The following PPP2R5C variants were observed in gnomAD, a reference collection of about 807,000 sequenced individuals.
PPP2R5C encodes the protein serine/threonine-protein phosphatase 2A 56 kDa regulatory subunit gamma isoform.
PPP2R5C carries 7 observed loss-of-function variants against 68.9 expected under a neutral mutation model. The observed-to-expected ratio is 0.10, with a 90% confidence interval of 0.06 to 0.19. The LOEUF is 0.19. PPP2R5C is among the 10% of genes least tolerant of loss of function. PPP2R5C has a pLI of 1.00. For missense variants in PPP2R5C, 348 were observed against 641.3 expected (o/e 0.54, Z 4.94); for synonymous variants, 210 against 222.2 (o/e 0.95, Z 0.49).
In PPP2R5C at chr14:101,868,837, G is replaced by A. The variant is rs529317134; in HGVS notation, c.294+11952G>A. On this transcript the variant is annotated intron_variant, in intron 2 of 13. Coordinates refer to ENST00000334743, the Ensembl canonical transcript of PPP2R5C. ...TCACTCTTTCTTGTGGCCAGTTCTC[G>A]GAACTTTGATAAATGTGTATAGTCA... is the stretch of plus-strand genomic sequence containing the variant. Among the ~76,000 whole-genome samples, 6 of 152,104 alleles carry A rather than the reference G, an allele frequency of 3.9e-5. No individual in the cohort carries two copies. In the South Asian group the frequency reaches 8.3e-4, roughly 21 times the overall value.
chr14:101,915,164 C>G lies in PPP2R5C; in HGVS notation c.1327-2667C>G, dbSNP rs1465529147. Reference sequence around the variant, plus strand: ...TGATCTCGGCTCACCACAACCTCCGCCTCCCAGGTTCAAGCAGTCCTCCGG... The same window carrying G: ...TGATCTCGGCTCACCACAACCTCCGGCTCCCAGGTTCAAGCAGTCCTCCGG... On this transcript the variant is annotated intron_variant, in intron 12 of 13. Coordinates refer to ENST00000334743, the Ensembl canonical transcript of PPP2R5C. The surrounding 1 kb of genome is among the most constrained non-coding windows in gnomAD (Gnocchi z 4.2). Among the ~76,000 whole-genome samples, 1 of 152,156 alleles carries G rather than the reference C, an allele frequency of 6.6e-6. No individual in the cohort carries two copies. The highest frequency in any genetic ancestry group is 1.9e-4 in the East Asian group (1 of 5,194).
chr14:101,912,351 T>C, intron 11 of PPP2R5C, 50 bp from the exon 14 acceptor site: 1 of 1,496,894 alleles, frequency 6.7e-7, no homozygotes, highest in Non-Finnish European at 9.0e-7. Context: ...TTCAGTGTGT[T>C]CTTGTGTCTG....
chr14:101,824,041 A>C (rs1227126238), intron 1 of PPP2R5C: 1 of 1,289,202 alleles, frequency 7.8e-7, no homozygotes, highest in Admixed American at 2.3e-5. Context: ...TCCGTGGCAC[A>C]GCCCCAGAGC....
At chr14:101,807,075 C>G (rs149248664), upstream of PPP2R5C, among the ~76,000 whole-genome samples, 121 of 152,250 alleles carry the variant, frequency 7.9e-4, no homozygotes, top group African/African-American at 2.7e-3. Flanking sequence ...TATTCACTTT[C>G]CCTTTCTTCT....
chr14:101,788,058 G>A (rs1047839610), intron 3 of PPP2R5C, among the ~76,000 whole-genome samples: 1 of 152,156 alleles, frequency 6.6e-6, no homozygotes, highest in Non-Finnish European at 1.5e-5. Context: ...CAAGGAAAGG[G>A]ATAGGTATCA....
At chr14:101,818,597 G>C in intron 1 of PPP2R5C, 1 of 171,768 alleles carries the variant, frequency 5.8e-6, no homozygotes, top group Non-Finnish European at 1.3e-5. Context: ...TCACGCCACT[G>C]CACACCAGCC....
At chr14:101,908,821 G>A (rs1208512296) in intron 10 of PPP2R5C, among the ~76,000 whole-genome samples, 1 of 152,176 alleles carries the variant, frequency 6.6e-6, no homozygotes, top group East Asian at 1.9e-4. Flanking sequence ...AGAAAAAAAT[G>A]TTCTTTTAAG....
At chr14:101,821,452 G>GGTGGGTGT (rs1555386196) in intron 1 of PPP2R5C, among the ~76,000 whole-genome samples, 2 of 121,358 alleles carry the variant, frequency 1.6e-5, no homozygotes, top group East Asian at 2.5e-4. Flanking sequence ...TGGGTGGGTG[G>GGTGGGTGT]GTGTGTGTGT....
chr14:101,831,511 G>A (rs1237273268), intron 1 of PPP2R5C, among the ~76,000 whole-genome samples: 1 of 152,170 alleles, frequency 6.6e-6, no homozygotes, highest in East Asian at 1.9e-4. Context: ...CTTCCAGTTT[G>A]TGGTACTAAA....
intron 11 of PPP2R5C, among the ~76,000 whole-genome samples, chr14:101,910,282 C>T (rs903337730): frequency 6.6e-6 from 1 of 152,234 alleles, no homozygotes; most frequent in African/African-American, 2.4e-5. Context: ...TCACTTCTTC[C>T]AAGTTGAGTA....
intron 2 of PPP2R5C, among the ~76,000 whole-genome samples, chr14:101,869,231 T>C: frequency 6.6e-6 from 1 of 152,248 alleles, no homozygotes. Flanking sequence ...TTCGCTTAGC[T>C]TGATGCATTG....
In PPP2R5C at chr14:101,924,769, G is replaced by C. The variant is rs554181882; in HGVS notation, c.1444-372G>C. ...AATTTCTGCTTCTTGAAATGCTTCT[G>C]TAGGGGACATGCCCATGAAATGGCT... is the stretch of plus-strand genomic sequence containing the variant. On this transcript the variant is annotated intron_variant, in intron 13 of 13. Transcript: ENST00000334743. Among the ~76,000 whole-genome samples the C allele has an allele frequency of 3.9e-5, 6 of 152,146 alleles. No individual in the cohort carries two copies. In the East Asian group the frequency reaches 1.2e-3, roughly 29 times the overall value.
chr14:101,890,134 G>C, intron 5 of PPP2R5C, 103 bp from the exon 8 acceptor site: 2 of 1,046,786 alleles, frequency 1.9e-6, no homozygotes, highest in Non-Finnish European at 2.9e-6. Context: ...TGCACAAATA[G>C]ATGCGCTTCT....
At position 101,893,114 on chromosome 14, in the gene PPP2R5C, G is replaced by A. The variant is rs756123924; in HGVS notation, c.798+6G>A. ...TGAGTGTCTACCATCCCCAGGTAAGGGGCAGCAGGACTCTAGGAACACAGC... is the reference window on the plus strand; with the variant it reads ...TGAGTGTCTACCATCCCCAGGTAAGAGGCAGCAGGACTCTAGGAACACAGC... On this transcript the variant is annotated splice_donor_region_variant and intron_variant, in intron 7 of 13. Coordinates refer to ENST00000334743, the Ensembl canonical transcript of PPP2R5C. 6.4e-7 allele frequency: 1 copy of A among 1,564,040 alleles called. No individual in the cohort carries two copies. Among genetic ancestry groups the A allele is most frequent in the Non-Finnish European group, 8.8e-7 (1 of 1,134,636 alleles).
At chr14:101,809,790 C>T (rs1372717263), upstream of PPP2R5C, 1 of 1,338,332 alleles carries the variant, frequency 7.5e-7, no homozygotes, top group Non-Finnish European at 9.6e-7. Flanking sequence ...TTGCAGCTTC[C>T]GGCCAATCAG....
chr14:101,856,880 C>T lies in PPP2R5C; in HGVS notation c.289C>T (p.His97Tyr), dbSNP rs1227416667. 1.5e-5 allele frequency: 25 copies of T among 1,613,004 alleles called. No individual in the cohort carries two copies. Among genetic ancestry groups the T allele is most frequent in the Non-Finnish European group, 1.9e-5 (22 of 1,179,114 alleles). Residue 97 changes from histidine (H) to tyrosine (Y), a missense_variant, in exon 2 of 14, where the codon CAT becomes TAT. Transcript: ENST00000334743. ...AGAGCCTATTTACCCAGAAGTAGTCCATATGGTAAGTGATTACAGTTTAAC... is the reference window on the plus strand; with the variant it reads ...AGAGCCTATTTACCCAGAAGTAGTCTATATGGTAAGTGATTACAGTTTAAC...
chr14:101,885,368 G>A lies in PPP2R5C; in HGVS notation c.629+1806G>A, dbSNP rs60265551. Among the ~76,000 whole-genome samples the A allele has an allele frequency of 4.4e-3, 336 of 77,064 alleles. 2 individuals carry two copies. Among genetic ancestry groups the A allele is most frequent in the East Asian group, 0.023 (60 of 2,658 alleles). 50.6% of individuals were successfully genotyped at this position (77,064 alleles called of 152,430 possible). ...TGCGTCGGGAGCACCCTGCCTTTCC[G>A]TCTGCAGTCATTAGGGCCCGCAGCC... On this transcript the variant is annotated intron_variant, in intron 5 of 13. Coordinates refer to ENST00000334743, the Ensembl canonical transcript of PPP2R5C.
intron 1 of PPP2R5C, among the ~76,000 whole-genome samples, chr14:101,810,591 A>T (rs948850017): frequency 4.6e-5 from 7 of 152,210 alleles, no homozygotes; most frequent in Non-Finnish European, 1.5e-5. Context: ...ACTTTGAAAT[A>T]TTGAAATCTA....
intron 12 of PPP2R5C, 168 bp downstream of exon 14, chr14:101,912,641 A>G (rs1420401450): frequency 1.5e-6 from 2 of 1,295,752 alleles, no homozygotes; most frequent in African/African-American, 1.5e-5. Flanking sequence ...CTTTTGTACA[A>G]GTACTTATTT....
Sources: gnomAD v4.1 joint callset for allele counts (sites outside exome capture counted in the v4.1 genomes callset) on GRCh38, gnomAD v4.1.1 for gene constraint, Gnocchi (gnomAD v3.1) non-coding constraint, MANE v1.5 for transcripts, NCBI Gene and HGNC (gene_info 2026-07-23, HGNC 2026-07-21) for gene names.